RANBP2: variants seen among roughly 807,000 people sequenced by gnomAD.
RANBP2 encodes RAN binding protein 2.
RANBP2 carries 57 observed loss-of-function variants against 303.6 expected under a neutral mutation model. The ratio of observed to expected loss-of-function variants is 0.19; its 90% CI spans 0.15 to 0.23. The LOEUF (loss-of-function observed/expected upper bound fraction) is 0.23. Ranked by LOEUF, RANBP2 falls within the 10% of genes least tolerant of loss-of-function variation. The pLI is 1.00. For missense variants in RANBP2, 3,138 were observed against 3,780.8 expected, an observed-to-expected ratio of 0.83 and a Z score of 4.46; for synonymous variants, 1,167 against 1,301.5, an observed-to-expected ratio of 0.90 and a Z score of 2.23.
chr2:109,409,050 A>G, the RANBP2 span, among the ~76,000 whole-genome samples: 1 of 151,780 alleles, frequency 6.6e-6, no homozygotes, highest in African/African-American at 2.4e-5. Context: ...TCCTTAACAG[A>G]CCTCCCCTTT....
chr2:109,025,915 G>A, the RANBP2 span, among the ~76,000 whole-genome samples: 8 of 152,060 alleles, frequency 5.3e-5, no homozygotes, highest in Non-Finnish European at 2.9e-5. Flanking sequence ...GGGGGACGAC[G>A]TGTCCCATTT....
the RANBP2 span, chr2:109,545,535 C>G: frequency 6.5e-7 from 1 of 1,535,908 alleles, no homozygotes; most frequent in African/African-American, 1.4e-5. Context: ...AATCGACAGC[C>G]TGGTTCCCTT....
the RANBP2 span, among the ~76,000 whole-genome samples, chr2:108,815,444 T>C: frequency 6.7e-6 from 1 of 149,738 alleles, no homozygotes; most frequent in Admixed American, 6.8e-5. Flanking sequence ...TTAATATTAG[T>C]TGGGGAGGTT....
At chr2:109,603,386 C>T in the RANBP2 span, among the ~76,000 whole-genome samples, 17 of 152,118 alleles carry the variant, frequency 1.1e-4, no homozygotes, top group East Asian at 2.7e-3. Context: ...AGGCACACAC[C>T]GCCACGCCTG....
chr2:108,730,922 C>T, intron 3 of RANBP2, 37 bp downstream of exon 3: 2 of 1,609,828 alleles, frequency 1.2e-6, no homozygotes, highest in Non-Finnish European at 1.7e-6. Flanking sequence ...TTTGCATAGC[C>T]AAACACATGA....
At chr2:109,061,514 A>G in the RANBP2 span, among the ~76,000 whole-genome samples, 5 of 152,028 alleles carry the variant, frequency 3.3e-5, no homozygotes, top group East Asian at 1.9e-4. Flanking sequence ...GACTTGGAAG[A>G]CTTCAGGGAA....
At chr2:109,137,741 C>A in the RANBP2 span, among the ~76,000 whole-genome samples, 1 of 152,238 alleles carries the variant, frequency 6.6e-6, no homozygotes, top group Non-Finnish European at 1.5e-5. Flanking sequence ...TCTCATTAGA[C>A]ACCACCCGTC....
At chr2:109,445,670 A>C in the RANBP2 span, among the ~76,000 whole-genome samples, 230 of 152,110 alleles carry the variant, frequency 1.5e-3, 2 homozygotes, top group Middle Eastern at 3.4e-3. Flanking sequence ...GAGCCAGAGA[A>C]GGTATCAAGG....
the RANBP2 span, among the ~76,000 whole-genome samples, chr2:109,686,593 G>A: frequency 4.1e-4 from 63 of 152,258 alleles, 2 homozygotes; most frequent in South Asian, 4.1e-3. Flanking sequence ...GATTACAGGC[G>A]TAAGCCACAG....
At chr2:109,353,986 C>G in the RANBP2 span, among the ~76,000 whole-genome samples, 1 of 152,122 alleles carries the variant, frequency 6.6e-6, no homozygotes, top group Admixed American at 6.5e-5. Context: ...TCAGAGCCCC[C>G]CGAAGTCTCA....
At chr2:108,930,954 GACCACTT>G in the RANBP2 span, 1 of 1,613,772 alleles carries the variant, frequency 6.2e-7, no homozygotes, top group Non-Finnish European at 8.5e-7. Flanking sequence ...AAGGGGCTCA[GACCACTT>G]ACCACCAGGA....
At chr2:109,609,370 T>C in the RANBP2 span, among the ~76,000 whole-genome samples, 1 of 152,068 alleles carries the variant, frequency 6.6e-6, no homozygotes, top group African/African-American at 2.4e-5. Flanking sequence ...AGAAAACAGA[T>C]CATTTAATTA....
chr2:108,783,995 T>C lies in RANBP2; in HGVS notation c.*94T>C. On this transcript the variant is annotated 3_prime_UTR_variant, in exon 29 of 29. Transcript: ENST00000283195. The stretch of plus-strand genomic sequence containing the variant: ...GATAGTTATGTTCAGCTTTTGAAAA[T>C]GGACGTTTCCGATTTACAAATGTAA... 8.1e-7 allele frequency: 1 copy of C among 1,233,768 alleles called. No individual in the cohort carries two copies. The highest frequency in any genetic ancestry group is 1.4e-5 in the South Asian group (1 of 72,580). 76.4% of individuals were successfully genotyped at this position (1,233,768 alleles called of 1,614,324 possible).
At chr2:108,972,436 C>T in the RANBP2 span, among the ~76,000 whole-genome samples, 1 of 152,254 alleles carries the variant, frequency 6.6e-6, no homozygotes, top group Non-Finnish European at 1.5e-5. Flanking sequence ...TCCTGGCTGG[C>T]TTTCATGCCA....
the RANBP2 span, among the ~76,000 whole-genome samples, chr2:109,691,238 C>A: frequency 1.3e-5 from 2 of 152,300 alleles, no homozygotes; most frequent in Admixed American, 1.3e-4. Flanking sequence ...GCCCCATCAG[C>A]TGTGGACTAT....
the RANBP2 span, among the ~76,000 whole-genome samples, chr2:109,344,425 C>T: frequency 2.0e-5 from 3 of 152,292 alleles, no homozygotes; most frequent in East Asian, 1.9e-4. Flanking sequence ...ACAGACTTCT[C>T]GTGACTGAGG....
the RANBP2 span, among the ~76,000 whole-genome samples, chr2:109,740,565 T>G: frequency 7.2e-5 from 11 of 152,320 alleles, no homozygotes; most frequent in African/African-American, 2.4e-4. Context: ...GACCACATTC[T>G]GGGCCATAAA....
At chr2:109,111,607 T>G in the RANBP2 span, among the ~76,000 whole-genome samples, 1 of 151,616 alleles carries the variant, frequency 6.6e-6, no homozygotes, top group Non-Finnish European at 1.5e-5. Context: ...TTTTTTTTTT[T>G]TAGGTTTTTT....
chr2:109,498,157 TC>T, the RANBP2 span, among the ~76,000 whole-genome samples: 1 of 152,128 alleles, frequency 6.6e-6, no homozygotes, highest in Non-Finnish European at 1.5e-5. Flanking sequence ...CCTCCTTCCT[TC>T]CCGCCTGCAT....
Sources: allele counts gnomAD v4.1 joint callset (sites outside exome capture counted in the v4.1 genomes callset), GRCh38; gene constraint gnomAD v4.1.1; transcripts MANE v1.5; gene names NCBI Gene and HGNC (gene_info 2026-07-23, HGNC 2026-07-21).